EPDR1: variants seen among roughly 807,000 people sequenced by gnomAD.
The protein encoded by EPDR1 is mammalian ependymin-related protein 1.
Under a neutral mutation model 23.7 loss-of-function variants are expected in EPDR1, and 27 were observed. The ratio of observed to expected loss-of-function variants is 1.14; its 90% CI spans 0.84 to 1.57. EPDR1 has a LOEUF of 1.57. Ranked by LOEUF, EPDR1 falls within the 40% of genes most tolerant of loss-of-function variation. The pLI is 0.00. For synonymous variants in EPDR1, 137 were observed against 118.2 expected (o/e 1.16, Z -1.03); for missense variants, 349 against 290.4 (o/e 1.20, Z -1.47).
chr7:37,930,623 C>T (rs772023214), intron 1 of EPDR1, among the ~76,000 whole-genome samples: 1 of 152,122 alleles, frequency 6.6e-6, no homozygotes, highest in South Asian at 2.1e-4. Context: ...TCAGGCACGG[C>T]CTGGCTTACC....
chr7:37,923,281 G>A (rs566949196), intron 1 of EPDR1, among the ~76,000 whole-genome samples: 4 of 152,192 alleles, frequency 2.6e-5, no homozygotes, highest in East Asian at 3.8e-4. Flanking sequence ...GGGTAGTAGC[G>A]ATGGAAATGG....
In EPDR1 at chr7:37,950,671, C is replaced by G; in HGVS notation, c.*275C>G. The G allele has an allele frequency of 2.4e-6, 1 of 417,808 alleles. No homozygotes were observed. The highest frequency in any genetic ancestry group is 4.3e-6 in the Non-Finnish European group (1 of 231,896). The allele number at this position is 417,808 out of a possible 1,614,324, so 25.9% of individuals were successfully genotyped here. On this transcript the variant is annotated 3_prime_UTR_variant, in exon 3 of 3. Transcript: ENST00000199448. ...CTAATGCCTGTTCAGGGCTGGTTTT[C>G]TGCATGCACGGGTATACACATAATG...
At chr7:37,944,163 A>T (rs1786225658) in intron 1 of EPDR1, among the ~76,000 whole-genome samples, 1 of 152,260 alleles carries the variant, frequency 6.6e-6, no homozygotes, top group Admixed American at 6.5e-5. Context: ...TGCTCCAAGC[A>T]TCTCAGAAAA....
At chr7:37,946,773 T>C (rs1005995895) in intron 1 of EPDR1, among the ~76,000 whole-genome samples, 2 of 152,174 alleles carry the variant, frequency 1.3e-5, no homozygotes, top group Admixed American at 1.3e-4. Context: ...TCTGTGTTTG[T>C]GTTGTAATTT....
chr7:37,949,572 A>C (rs1445633823), intron 2 of EPDR1, among the ~76,000 whole-genome samples: 1 of 152,212 alleles, frequency 6.6e-6, no homozygotes, highest in Non-Finnish European at 1.5e-5. Flanking sequence ...AAAATTAAAG[A>C]TAAGACTGCC....
chr7:37,948,030 G>A (rs2290221), intron 1 of EPDR1, among the ~76,000 whole-genome samples: 19,758 of 152,274 alleles, frequency 0.13, 1,339 homozygotes, highest in African/African-American at 0.16. Flanking sequence ...TCAGCTATGC[G>A]CATCAAAGCC....
chr7:37,921,283 C>G (rs1290797233), intron 1 of EPDR1, 75 bp downstream of exon 1: 1 of 1,494,486 alleles, frequency 6.7e-7, no homozygotes, highest in African/African-American at 1.5e-5. Flanking sequence ...CAGAGGCCTG[C>G]GCCCTGTAAC....
chr7:37,932,935 T>A lies in EPDR1; in HGVS notation c.269+11727T>A, dbSNP rs61319130. Reference sequence around the variant, plus strand: ...ACTTTTTTCATCTTTTGAACTGGAATCCAAGTCATGGAGGCCCATCACCTT... The same window carrying A: ...ACTTTTTTCATCTTTTGAACTGGAAACCAAGTCATGGAGGCCCATCACCTT... On this transcript the variant is annotated intron_variant, in intron 1 of 2. Transcript: ENST00000199448. Among the ~76,000 whole-genome samples the A allele has an allele frequency of 9.2e-3, 1,397 of 152,358 alleles. 107 individuals are homozygous for A. In the East Asian group the frequency reaches 0.19, roughly 21 times the overall value.
chr7:37,948,814 A>C lies in EPDR1; in HGVS notation c.270-26A>C, dbSNP rs760273356. The stretch of plus-strand genomic sequence containing the variant: ...CGAGGATGGTAACATGAAGTCCCAA[A>C]CTACTTCTTTCCATCTGTGTTTCAG... On this transcript the variant is annotated intron_variant, in intron 1 of 2. Coordinates refer to ENST00000199448, the MANE Select transcript of EPDR1 (RefSeq NM_017549.5). 4.4e-6 allele frequency: 7 copies of C among 1,600,484 alleles called. No homozygotes were observed. In the South Asian group the frequency reaches 7.7e-5, roughly 18 times the overall value.
In EPDR1 at chr7:37,920,752, C is replaced by T. The variant is rs1390417767; in HGVS notation, c.-188C>T. 10 of 1,609,286 alleles carry T rather than the reference C, an allele frequency of 6.2e-6. No individual in the cohort carries two copies. Among genetic ancestry groups the T allele is most frequent in the Non-Finnish European group, 8.5e-6 (10 of 1,177,648 alleles). On this transcript the variant is annotated 5_prime_UTR_variant, in exon 1 of 3. Transcript: ENST00000199448. ...TGGAGCCTTCCCCGGGCCCTGGTCC[C>T]GGCTACCGGGACTCGCGCGTCCGGA...
chr7:37,935,267 G>A (rs1325288744), intron 1 of EPDR1, among the ~76,000 whole-genome samples: 2 of 152,092 alleles, frequency 1.3e-5, no homozygotes, highest in Non-Finnish European at 2.9e-5. Flanking sequence ...TTTTAGTAAG[G>A]GATCCACCAT....
chr7:37,921,342 C>G lies in EPDR1; in HGVS notation c.269+134C>G, dbSNP rs775712471. ...TCCCTTCTCCCAGAGAGATCTTTCG[C>G]GAGGAGGGTCTCTTGGGGATAGCAT... On this transcript the variant is annotated intron_variant, in intron 1 of 2. Transcript: ENST00000199448. 9 of 1,418,988 alleles carry G rather than the reference C, an allele frequency of 6.3e-6. No individual in the cohort carries two copies. In the East Asian group the frequency reaches 2.5e-4, roughly 40 times the overall value. 87.9% of individuals were successfully genotyped at this position (1,418,988 alleles called of 1,614,324 possible).
chr7:37,920,680 TGGC>T lies in EPDR1; in HGVS notation c.-259_-257del. ...GGCAGAAGGCAGTGGCAGCAGGCAG[TGGC>T]AGCAGGCAGTGGCCCAGGCAGAAAT... On this transcript the variant is annotated 5_prime_UTR_variant, in exon 1 of 3. Transcript: ENST00000199448. 5 of 1,590,242 alleles carry T rather than the reference TGGC, an allele frequency of 3.1e-6. No homozygotes were observed. The highest frequency in any genetic ancestry group is 4.3e-6 in the Non-Finnish European group (5 of 1,163,838).
intron 1 of EPDR1, among the ~76,000 whole-genome samples, chr7:37,930,930 G>C (rs916691762): frequency 3.9e-5 from 6 of 152,124 alleles, no homozygotes; most frequent in South Asian, 2.1e-4. Context: ...TTTGTCACAA[G>C]GTCTTCTGTT....
At chr7:37,941,088 G>A (rs1786163935) in intron 1 of EPDR1, among the ~76,000 whole-genome samples, 1 of 151,926 alleles carries the variant, frequency 6.6e-6, no homozygotes, top group African/African-American at 2.4e-5. Context: ...GCCAAACTTG[G>A]GTAAATTTTA....
intron 1 of EPDR1, among the ~76,000 whole-genome samples, chr7:37,937,548 G>A (rs1475026414): frequency 3.3e-5 from 5 of 152,154 alleles, no homozygotes; most frequent in Non-Finnish European, 7.4e-5. Context: ...TCAGTTCATG[G>A]AAAAATAAAA....
At chr7:37,942,794 AT>A (rs975323578) in intron 1 of EPDR1, among the ~76,000 whole-genome samples, 6 of 152,208 alleles carry the variant, frequency 3.9e-5, no homozygotes, top group African/African-American at 1.4e-4. Context: ...AAAAAAAACT[AT>A]TTTCAAAAGC....
rs1295505391 is a variant in EPDR1, at chr7:37,950,255, C to G, written c.534C>G (p.Thr178=). The G allele has an allele frequency of 6.2e-7, 1 of 1,614,078 alleles. No homozygotes were observed. Among genetic ancestry groups the G allele is most frequent in the Non-Finnish European group, 8.5e-7 (1 of 1,179,996 alleles). ...TVKDCYPVQE[T]FTINYSVILS... Reference sequence around the variant, plus strand: ...AGGATTGCTATCCTGTCCAGGAAACCTTTACCATAAACTACAGTGTGATAT... The same window carrying G: ...AGGATTGCTATCCTGTCCAGGAAACGTTTACCATAAACTACAGTGTGATAT... Residue 178 remains threonine, a synonymous_variant, in exon 3 of 3, where the codon ACC becomes ACG. Transcript: ENST00000199448.
chr7:37,951,422 C>G lies in EPDR1; in HGVS notation c.*1026C>G, dbSNP rs1005794052. 1 of 152,254 alleles carries G rather than the reference C, an allele frequency of 6.6e-6. No homozygotes were observed. The highest frequency in any genetic ancestry group is 2.4e-5 in the African/African-American group (1 of 41,456). The allele number at this position is 152,254 out of a possible 1,614,324, so 9.4% of individuals were successfully genotyped here. Reference sequence around the variant, plus strand: ...AGTTGCACCTTGCATCTTGAGCATGCATTTCTCACAATAATTATTAAGCTG... The same window carrying G: ...AGTTGCACCTTGCATCTTGAGCATGGATTTCTCACAATAATTATTAAGCTG... On this transcript the variant is annotated 3_prime_UTR_variant, in exon 3 of 3. Coordinates refer to ENST00000199448, the MANE Select transcript of EPDR1 (RefSeq NM_017549.5).
Sources: allele counts gnomAD v4.1 joint callset (sites outside exome capture counted in the v4.1 genomes callset), GRCh38; gene constraint gnomAD v4.1.1; transcripts MANE v1.5; gene names NCBI Gene and HGNC (gene_info 2026-07-23, HGNC 2026-07-21).